Variants in MAF observed in about 807,000 individuals in gnomAD.
MAF encodes the protein transcription factor Maf.
Under a neutral mutation model 22.0 loss-of-function variants are expected in MAF, and 10 were observed. That is an observed-to-expected ratio of 0.45 (90% confidence interval 0.28 to 0.77). The LOEUF is 0.77. Ranked by LOEUF, MAF falls within the 30% of genes least tolerant of loss-of-function variation. MAF has a pLI of 0.12. For synonymous variants in MAF, 337 were observed against 255.8 expected (o/e 1.32, Z -3.03); for missense variants, 544 against 548.4 (o/e 0.99, Z 0.08).
the MAF span, among the ~76,000 whole-genome samples, chr16:79,398,362 T>A: frequency 2.0e-5 from 3 of 152,196 alleles, no homozygotes; most frequent in Non-Finnish European, 4.4e-5. Flanking sequence ...TTAACTTAAT[T>A]TTCCTGTGAC....
At chr16:79,466,173 T>A in the MAF span, among the ~76,000 whole-genome samples, 1 of 152,140 alleles carries the variant, frequency 6.6e-6, no homozygotes, top group African/African-American at 2.4e-5. Flanking sequence ...CAGGGTTACT[T>A]TCCCTGAATC....
chr16:79,582,330 G>A (rs1912571102), downstream of MAF, among the ~76,000 whole-genome samples: 1 of 152,206 alleles, frequency 6.6e-6, no homozygotes, highest in African/African-American at 2.4e-5. Flanking sequence ...CTTTTAGAAT[G>A]AAAGCTCTAC....
the MAF span, chr16:79,202,983 G>C: frequency 1.3e-5 from 2 of 152,168 alleles, no homozygotes; most frequent in African/African-American, 4.8e-5. Context: ...GCATAATCAA[G>C]GTTAATTTTT....
chr16:79,544,869 G>C, the MAF span, among the ~76,000 whole-genome samples: 2 of 151,786 alleles, frequency 1.3e-5, no homozygotes, highest in Admixed American at 6.6e-5. Context: ...ATTCATGTTT[G>C]GTAAAACTGA....
the MAF span, among the ~76,000 whole-genome samples, chr16:79,363,536 G>A: frequency 3.9e-5 from 6 of 152,176 alleles, no homozygotes; most frequent in Admixed American, 3.3e-4. Context: ...CAGAATGGTT[G>A]GATGGGCACT....
the MAF span, among the ~76,000 whole-genome samples, chr16:79,490,425 G>A: frequency 1.8e-3 from 270 of 152,164 alleles, 1 homozygote; most frequent in African/African-American, 6.0e-3. Flanking sequence ...GGATTCCTCT[G>A]CCTGAAAGCA....
intron 1 of MAF, chr16:79,595,996 A>G (rs547161953): frequency 5.7e-6 from 6 of 1,061,278 alleles, no homozygotes; most frequent in African/African-American, 1.6e-5. Flanking sequence ...CTTGCTAACA[A>G]GAAAATCTCG....
At chr16:79,541,813 G>A in the MAF span, among the ~76,000 whole-genome samples, 2 of 151,858 alleles carry the variant, frequency 1.3e-5, no homozygotes, top group South Asian at 4.2e-4. Context: ...GCACCACCAC[G>A]CCCAGCTAAT....
the MAF span, among the ~76,000 whole-genome samples, chr16:79,234,016 G>C: frequency 4.0e-5 from 6 of 151,194 alleles, no homozygotes; most frequent in Non-Finnish European, 5.9e-5. Flanking sequence ...GAGAGTAAGT[G>C]TATAGAATGG....
the MAF span, among the ~76,000 whole-genome samples, chr16:79,467,936 T>C: frequency 5.7e-5 from 8 of 141,242 alleles, no homozygotes; most frequent in African/African-American, 1.9e-4. Flanking sequence ...GGGGTGGTGG[T>C]CGTGGGGGGG....
At chr16:79,352,904 T>C in the MAF span, among the ~76,000 whole-genome samples, 2 of 152,118 alleles carry the variant, frequency 1.3e-5, no homozygotes, top group African/African-American at 4.8e-5. Context: ...CAAAAATAGA[T>C]GGAGAATCAA....
the MAF span, among the ~76,000 whole-genome samples, chr16:79,357,042 AG>A: frequency 1.3e-5 from 2 of 152,182 alleles, no homozygotes; most frequent in Non-Finnish European, 2.9e-5. Flanking sequence ...GGATCATCTG[AG>A]GTCAGGAGTT....
At chr16:79,363,491 T>A in the MAF span, among the ~76,000 whole-genome samples, 2 of 152,162 alleles carry the variant, frequency 1.3e-5, no homozygotes, top group African/African-American at 4.8e-5. Flanking sequence ...ATGTAATTTA[T>A]TGAATACTTT....
chr16:79,559,436 G>A, the MAF span, among the ~76,000 whole-genome samples: 3 of 152,226 alleles, frequency 2.0e-5, no homozygotes, highest in South Asian at 2.1e-4. Context: ...GGAAGTCTTC[G>A]AGTGGCAGGT....
At chr16:79,303,137 G>A in the MAF span, among the ~76,000 whole-genome samples, 1 of 152,110 alleles carries the variant, frequency 6.6e-6, no homozygotes, top group African/African-American at 2.4e-5. Context: ...GGTGGGAGGC[G>A]TCCCCACTCC....
chr16:79,547,022 T>C, the MAF span, among the ~76,000 whole-genome samples: 1 of 152,216 alleles, frequency 6.6e-6, no homozygotes, highest in African/African-American at 2.4e-5. Flanking sequence ...TGTTGGTAAG[T>C]GCCAGACATG....
the MAF span, among the ~76,000 whole-genome samples, chr16:79,330,882 T>G: frequency 1.3e-5 from 2 of 152,246 alleles, no homozygotes; most frequent in African/African-American, 4.8e-5. Context: ...CAGGCCTGCC[T>G]GACTCCAAAA....
chr16:79,410,388 G>A, the MAF span, among the ~76,000 whole-genome samples: 1 of 152,160 alleles, frequency 6.6e-6, no homozygotes, highest in South Asian at 2.1e-4. Context: ...TGCCATTAGT[G>A]GCCATCATAT....
At chr16:79,348,756 GA>G in the MAF span, among the ~76,000 whole-genome samples, 4 of 152,206 alleles carry the variant, frequency 2.6e-5, no homozygotes, top group Non-Finnish European at 4.4e-5. Context: ...ACTGTGTTTT[GA>G]AAAGCAATTC....
Sources: allele counts gnomAD v4.1 joint callset (sites outside exome capture counted in the v4.1 genomes callset), GRCh38; gene constraint gnomAD v4.1.1; transcripts MANE v1.5; gene names NCBI Gene and HGNC (gene_info 2026-07-23, HGNC 2026-07-21).